Variants in FAM227A observed in about 807,000 individuals in gnomAD.
FAM227A encodes family with sequence similarity 227 member A.
FAM227A carries 80 observed loss-of-function variants against 74.7 expected under a neutral mutation model. That is an observed-to-expected ratio of 1.07 (90% CI 0.89 to 1.29). FAM227A has a LOEUF of 1.29. Among genes scored for constraint, FAM227A ranks in the 50% most tolerant of loss-of-function variants. The pLI is 0.00. For synonymous variants in FAM227A, 237 were observed against 241.8 expected, an observed-to-expected ratio of 0.98 and a Z score of 0.19; for missense variants, 654 against 683.4, an observed-to-expected ratio of 0.96 and a Z score of 0.48.
chr22:38,604,513 GGGA>G (rs958855340), intron 13 of FAM227A, among the ~76,000 whole-genome samples: 60 of 152,130 alleles, frequency 3.9e-4, no homozygotes, highest in African/African-American at 1.4e-3. Context: ...TGTGGGGAAG[GGGA>G]GGAGGAGAGA....
At position 38,656,197 on chromosome 22, in the gene FAM227A, G is replaced by C. The variant is rs2092390469; in HGVS notation, c.-172C>G. On this transcript the variant is annotated 5_prime_UTR_variant, in exon 1 of 17. Coordinates refer to ENST00000535113, the MANE Select transcript of FAM227A (RefSeq NM_001013647.2). ...CCTCAGGGGACCCCGCAAAGTTCTG[G>C]GTCGGCCCCCGACAGCCGGTGCCCC... is the stretch of plus-strand genomic sequence containing the variant. The C allele has an allele frequency of 6.6e-6, 1 of 152,306 alleles. No individual in the cohort carries two copies. Among genetic ancestry groups the C allele is most frequent in the Non-Finnish European group, 1.5e-5 (1 of 68,126 alleles). The allele number at this position is 152,306 out of a possible 1,614,324, so 9.4% of individuals were successfully genotyped here. A position where few individuals can be genotyped will look rare whatever the true frequency, so the allele number is the denominator to read the frequency against.
At chr22:38,595,090 C>T (rs1737225180) in intron 15 of FAM227A, among the ~76,000 whole-genome samples, 1 of 152,084 alleles carries the variant, frequency 6.6e-6, no homozygotes, top group African/African-American at 2.4e-5. Flanking sequence ...GAGCGAGACT[C>T]CATCTCAAAA....
intron 6 of FAM227A, among the ~76,000 whole-genome samples, chr22:38,632,099 G>T (rs1224482579): frequency 6.6e-6 from 1 of 152,162 alleles, no homozygotes; most frequent in East Asian, 1.9e-4. Flanking sequence ...TGGAGGAAAA[G>T]CAGAACGGAT....
rs3042708 is a variant in FAM227A, at chr22:38,641,948, GGTGTGTGTGTGTGT to G, written c.226-2238_226-2225del. On this transcript the variant is annotated intron_variant, in intron 3 of 16. Transcript: ENST00000535113. ...ATTTAGCACTCCTGCCTCCCGAAAAGGTGTGTGTGTGTGTGTGTGTGTGTGTGCGCACGTGTGTG... is the reference window on the plus strand; with the variant it reads ...ATTTAGCACTCCTGCCTCCCGAAAAGGTGTGTGTGTGTGCGCACGTGTGTG... Among the ~76,000 whole-genome samples, 994 of 145,516 alleles carry G rather than the reference GGTGTGTGTGTGTGT, an allele frequency of 6.8e-3. 9 individuals carry two copies. Among genetic ancestry groups the G allele is most frequent in the African/African-American group, 0.024 (964 of 39,856 alleles).
chr22:38,638,713 G>C, intron 5 of FAM227A, 33 bp downstream of exon 5: 1 of 1,453,362 alleles, frequency 6.9e-7, no homozygotes, highest in Non-Finnish European at 9.5e-7. Flanking sequence ...AGCAGAAGCC[G>C]GTCAGAAACA....
At chr22:38,597,463 C>G in intron 14 of FAM227A, 107 bp from the exon 15 acceptor site, 1 of 1,063,818 alleles carries the variant, frequency 9.4e-7, no homozygotes, top group South Asian at 1.4e-5. Context: ...GAGGACAGAA[C>G]AGGGAAAATG....
intron 11 of FAM227A, among the ~76,000 whole-genome samples, chr22:38,616,904 T>C (rs1013937944): frequency 6.6e-6 from 1 of 150,422 alleles, no homozygotes; most frequent in South Asian, 2.1e-4. Flanking sequence ...GACCTCTCCA[T>C]AGGCACAGAG....
chr22:38,626,401 T>TTTG (rs956867254), intron 8 of FAM227A, 98 bp from the exon 9 acceptor site: 71 of 1,387,544 alleles, frequency 5.1e-5, no homozygotes, highest in South Asian at 6.1e-5. Context: ...ATATATAGTT[T>TTTG]TTGTTGTTGT....
chr22:38,650,147 C>T lies in FAM227A; in HGVS notation c.22G>A (p.Glu8Lys). 6 of 1,551,732 alleles carry T rather than the reference C, an allele frequency of 3.9e-6. No individual in the cohort carries two copies. The highest frequency in any genetic ancestry group is 5.2e-6 in the Non-Finnish European group (6 of 1,147,014). ...GGTAGGGTGGTGAGGTTGATGACCT[C>T]CATCTTCCTGAAGTGATTCATTGTC... MNHFRKM[E>K]VINLTTLPMI... Residue 8 changes from glutamate (E) to lysine (K), a missense_variant, in exon 2 of 17, where the codon GAG becomes AAG. Transcript: ENST00000535113.
At chr22:38,612,649 C>T (rs1351015589) in intron 11 of FAM227A, among the ~76,000 whole-genome samples, 1 of 152,154 alleles carries the variant, frequency 6.6e-6, no homozygotes, top group East Asian at 1.9e-4. Flanking sequence ...TGCACCACCC[C>T]TGCCTGAGAT....
intron 3 of FAM227A, among the ~76,000 whole-genome samples, chr22:38,643,479 C>T (rs955608926): frequency 6.6e-6 from 1 of 152,096 alleles, no homozygotes; most frequent in African/African-American, 2.4e-5. Flanking sequence ...TCAGAATGAC[C>T]AAAATCTAGA....
intron 11 of FAM227A, among the ~76,000 whole-genome samples, chr22:38,619,231 G>A (rs1232104020): frequency 6.6e-6 from 1 of 152,180 alleles, no homozygotes; most frequent in Non-Finnish European, 1.5e-5. Flanking sequence ...AGATGAGCAA[G>A]GCTGTGCAAG....
chr22:38,655,878 C>T (rs1157989427), intron 1 of FAM227A, among the ~76,000 whole-genome samples: 1 of 152,156 alleles, frequency 6.6e-6, no homozygotes, highest in African/African-American at 2.4e-5. Flanking sequence ...ACTAGGCAGC[C>T]GGTAAACTCC....
intron 11 of FAM227A, among the ~76,000 whole-genome samples, chr22:38,617,924 G>T (rs2146341131): frequency 6.6e-6 from 1 of 152,222 alleles, no homozygotes; most frequent in South Asian, 2.1e-4. Context: ...TCTGGCCTGG[G>T]CAACAGAGTG....
intron 5 of FAM227A, among the ~76,000 whole-genome samples, chr22:38,636,934 C>G (rs2092020113): frequency 6.6e-6 from 1 of 151,902 alleles, no homozygotes; most frequent in South Asian, 2.1e-4. Flanking sequence ...CCATGCCCAG[C>G]TAATTTTTTG....
At chr22:38,634,497 T>C (rs1307885101) in intron 6 of FAM227A, among the ~76,000 whole-genome samples, 1 of 152,196 alleles carries the variant, frequency 6.6e-6, no homozygotes, top group Non-Finnish European at 1.5e-5. Flanking sequence ...CTAGGCACCT[T>C]TACATGCATT....
In FAM227A at chr22:38,607,472, G is replaced by C; in HGVS notation, c.1043C>G (p.Ser348Cys). Residue 348 changes from serine to cysteine, a missense_variant, in exon 12 of 17, where the codon TCT becomes TGT. Ser to Cys is a moderately radical substitution (Grantham distance 112). Transcript: ENST00000535113. ...QSRKFYHPQS[S>C]SANSPSEKTS... ...TTTTTCACTGGGTGAATTTGCACTA[G>C]AAGACTTCAGGAGACAAGAGAGAGA... The C allele has an allele frequency of 1.3e-6, 2 of 1,548,428 alleles. No homozygotes were observed. Among genetic ancestry groups the C allele is most frequent in the Non-Finnish European group, 8.7e-7 (1 of 1,144,074 alleles).
Position 38,582,595 on chromosome 22 carries a change from C to T in FAM227A, c.*3530G>A, listed in dbSNP as rs1293714687. 4.0e-5 allele frequency: 30 copies of T among 748,324 alleles called. No individual in the cohort carries two copies. The highest frequency in any genetic ancestry group is 6.0e-5 in the Non-Finnish European group (28 of 469,714). The allele number at this position is 748,324 out of a possible 1,614,324, so 46.4% of individuals were successfully genotyped here. On this transcript the variant is annotated 3_prime_UTR_variant, in exon 17 of 17. Coordinates refer to ENST00000535113, the MANE Select transcript of FAM227A (RefSeq NM_001013647.2). ...AGACAGGTTTCTTCATATTTAACATCCTGAGAGGCTACAACTCTGAGTCCT... is the reference window on the plus strand; with the variant it reads ...AGACAGGTTTCTTCATATTTAACATTCTGAGAGGCTACAACTCTGAGTCCT...
intron 2 of FAM227A, among the ~76,000 whole-genome samples, chr22:38,648,520 C>G (rs1335847543): frequency 6.6e-6 from 1 of 151,148 alleles, no homozygotes; most frequent in Non-Finnish European, 1.5e-5. Context: ...GGCAGGAGAA[C>G]TGCTTGAACC....
Sources: gnomAD v4.1 joint callset for allele counts (sites outside exome capture counted in the v4.1 genomes callset) on GRCh38, gnomAD v4.1.1 for gene constraint, MANE v1.5 for transcripts, NCBI Gene and HGNC (gene_info 2026-07-23, HGNC 2026-07-21) for gene names.